PLAC1: variants seen among roughly 807,000 people sequenced by gnomAD.
The protein encoded by PLAC1 is placenta-specific protein 1.
For missense variants in PLAC1, 136 were observed against 163.2 expected (o/e 0.83, Z 0.91); for synonymous variants, 68 against 62.1 (o/e 1.09, Z -0.44).
At chrX:134,671,011 T>C (rs1381436790) in intron 2 of PLAC1, among the ~76,000 whole-genome samples, 3 of 111,787 alleles carry the variant, frequency 2.7e-5, no homozygotes, top group Non-Finnish European at 5.6e-5. Context: ...CTTCATTTGT[T>C]AAAAAAATTT....
chrX:134,744,856 A>G (rs1358100556), intron 1 of PLAC1, among the ~76,000 whole-genome samples: 2 of 111,663 alleles, frequency 1.8e-5, no homozygotes, highest in African/African-American at 6.5e-5. Flanking sequence ...CAAGCATTTC[A>G]GGTCCTGGAA....
rs772770640 is a variant in PLAC1 at position 134,713,895 on chromosome X, C to T, written n.174+19540G>A. ...GGTGGGTCTGCTAGGGATGTAGGGA[C>T]TGGCAGCCCCACCTCCACAACCTCC... On this transcript the variant is annotated intron_variant and non_coding_transcript_variant, in intron 2 of 2. Transcript: ENST00000466797. Among the ~76,000 whole-genome samples, 28 of 111,203 alleles carry T rather than the reference C, an allele frequency of 2.5e-4. 1 individual carries two copies. The South Asian group carries it at 8.9e-3, about 35-fold the overall frequency.
chrX:134,723,460 C>T (rs1285593068), intron 2 of PLAC1, among the ~76,000 whole-genome samples: 1 of 109,425 alleles, frequency 9.1e-6, no homozygotes, highest in African/African-American at 3.3e-5. Context: ...GCACGCACCA[C>T]CACACCTGGC....
intron 2 of PLAC1, among the ~76,000 whole-genome samples, chrX:134,679,271 T>C (rs1246569146): frequency 9.0e-6 from 1 of 111,199 alleles, no homozygotes; most frequent in African/African-American, 3.3e-5. Flanking sequence ...TTGTCTGAGA[T>C]GCCTATAACA....
chrX:134,754,172 TG>T (rs762258071), intron 1 of PLAC1, among the ~76,000 whole-genome samples: 1 of 112,479 alleles, frequency 8.9e-6, no homozygotes, highest in African/African-American at 3.2e-5. Context: ...ATGGCAAGGT[TG>T]CTACCTAAAT....
rs2078740625 is a variant in PLAC1, at chrX:134,750,848, T to A, written n.89+13386A>T. 8.5e-4 allele frequency among the ~76,000 whole-genome samples: 21 copies of A among 24,732 alleles called. 5 individuals are homozygous for A. The highest frequency in any genetic ancestry group is 6.7e-3 in the African/African-American group (21 of 3,138). 21.5% of individuals were successfully genotyped at this position (24,732 alleles called of 115,157 possible). A position where few individuals can be genotyped will look rare whatever the true frequency, so the allele number is the denominator to read the frequency against. ...ATATATATATATTTATATATATATT[T>A]ATATATATATATTTTTATATATATA... On this transcript the variant is annotated intron_variant and non_coding_transcript_variant, in intron 1 of 2. Coordinates refer to the PLAC1 transcript ENST00000466797.
chrX:134,605,447 C>T (rs745866680), intron 1 of PLAC1: 1 of 112,192 alleles, frequency 8.9e-6, no homozygotes, highest in South Asian at 3.7e-4. Context: ...TTTATTTGCC[C>T]ATGGGGAAAG....
intron 2 of PLAC1, among the ~76,000 whole-genome samples, chrX:134,691,546 A>G (rs1345840710): frequency 9.0e-6 from 1 of 111,575 alleles, no homozygotes; most frequent in Non-Finnish European, 1.9e-5. Context: ...GCGGTTACCC[A>G]TGTGGTATAT....
intron 1 of PLAC1, among the ~76,000 whole-genome samples, chrX:134,759,897 G>A (rs768067602): frequency 1.8e-5 from 2 of 111,567 alleles, no homozygotes; most frequent in South Asian, 7.6e-4. Context: ...TGGACAGACA[G>A]ATAACAGAGA....
At chrX:134,661,189 A>G (rs746214543), upstream of PLAC1, among the ~76,000 whole-genome samples, 52 of 111,625 alleles carry the variant, frequency 4.7e-4, no homozygotes, top group Admixed American at 3.0e-3. Flanking sequence ...GTCAGGTTAA[A>G]TGCCACATCC....
chrX:134,578,813 G>A (rs1412089152), intron 2 of PLAC1, among the ~76,000 whole-genome samples: 2 of 108,762 alleles, frequency 1.8e-5, no homozygotes, highest in South Asian at 8.2e-4. Flanking sequence ...GGTGGGGCTG[G>A]GGAAATCTCT....
intron 1 of PLAC1, among the ~76,000 whole-genome samples, chrX:134,641,690 G>A (rs1421884301): frequency 8.9e-6 from 1 of 111,847 alleles, no homozygotes; most frequent in African/African-American, 3.3e-5. Context: ...CAGCCCTGAT[G>A]CTGATGGTGT....
intron 2 of PLAC1, among the ~76,000 whole-genome samples, chrX:134,705,905 G>T (rs947506715): frequency 8.9e-6 from 1 of 112,069 alleles, no homozygotes; most frequent in African/African-American, 3.2e-5. Flanking sequence ...TGAACATTAT[G>T]TATAAGGCAG....
intron 2 of PLAC1, among the ~76,000 whole-genome samples, chrX:134,714,256 G>A (rs2078636908): frequency 9.1e-6 from 1 of 110,005 alleles, no homozygotes; most frequent in South Asian, 3.9e-4. Flanking sequence ...TGTATTTTTT[G>A]TTTTACACTG....
rs367656009 is a variant in PLAC1 at position 134,623,890 on chromosome X, A to C, written c.-130-21768T>G. ...TCCTTTTAAAAGGGAAACACAGGGA[A>C]AGAACATTATATAAAATTAGTTTCC... On this transcript the variant is annotated intron_variant, in intron 1 of 2. Transcript: ENST00000359237. Among the ~76,000 whole-genome samples the C allele has an allele frequency of 2.7e-5, 3 of 112,088 alleles. No individual in the cohort carries two copies. The East Asian group carries it at 8.4e-4, about 31-fold the overall frequency.
At chrX:134,596,958 G>T (rs1217076851) in intron 2 of PLAC1, among the ~76,000 whole-genome samples, 1 of 111,135 alleles carries the variant, frequency 9.0e-6, no homozygotes, top group Non-Finnish European at 1.9e-5. Flanking sequence ...GTTTTCAGAA[G>T]TTTGACTATG....
chrX:134,682,936 G>T (rs2078503869), intron 2 of PLAC1, among the ~76,000 whole-genome samples: 1 of 111,737 alleles, frequency 8.9e-6, no homozygotes, highest in African/African-American at 3.3e-5. Context: ...CTCAGTAAGT[G>T]GAGATAAAGT....
At chrX:134,668,369 T>C (rs771119733) in intron 2 of PLAC1, among the ~76,000 whole-genome samples, 2 of 112,268 alleles carry the variant, frequency 1.8e-5, no homozygotes, top group Non-Finnish European at 3.8e-5. Flanking sequence ...AGTTTCTTTC[T>C]GGAGTAATGA....
intron 1 of PLAC1, among the ~76,000 whole-genome samples, chrX:134,608,249 T>C (rs2078132489): frequency 8.9e-6 from 1 of 111,892 alleles, no homozygotes; most frequent in South Asian, 3.8e-4. Flanking sequence ...GCAGCACTAT[T>C]GATAATAGCC....
Sources: gnomAD v4.1 joint callset for allele counts (sites outside exome capture counted in the v4.1 genomes callset) on GRCh38, gnomAD v4.1.1 for gene constraint, MANE v1.5 for transcripts, NCBI Gene and HGNC (gene_info 2026-07-23, HGNC 2026-07-21) for gene names.